TRIM5: variants seen among roughly 807,000 people sequenced by gnomAD.
The protein encoded by TRIM5 is tripartite motif-containing protein 5.
Under a neutral mutation model 35.6 loss-of-function variants are expected in TRIM5, and 31 were observed. That is an observed-to-expected ratio of 0.87 (90% CI 0.65 to 1.18). The LOEUF (loss-of-function observed/expected upper bound fraction) is 1.18, where lower values mean the gene tolerates loss of function less well. Ranked by LOEUF, TRIM5 falls within the 50% of genes most tolerant of loss-of-function variation. The probability of loss-of-function intolerance (pLI) is 0.00; values close to 1 mark genes in which losing one functional copy is unlikely to be tolerated. For synonymous variants in TRIM5, 243 were observed against 215.6 expected (o/e 1.13, Z -1.11); for missense variants, 609 against 591.6 (o/e 1.03, Z -0.31).
the TRIM5 span, chr11:5,596,820 G>GTGCCT: frequency 6.2e-7 from 1 of 1,611,166 alleles, no homozygotes. Context: ...TTAGTTTAAG[G>GTGCCT]TGCCTTGGAT....
At chr11:5,645,392 CAA>C in the TRIM5 span, among the ~76,000 whole-genome samples, 6 of 95,764 alleles carry the variant, frequency 6.3e-5, no homozygotes, top group Admixed American at 3.5e-4. Context: ...AACTCTGTCT[CAA>C]AAAAAAAAAA....
At chr11:5,633,133 C>T in the TRIM5 span, among the ~76,000 whole-genome samples, 4 of 140,508 alleles carry the variant, frequency 2.8e-5, no homozygotes, top group Non-Finnish European at 4.6e-5. Context: ...CCACCATGCC[C>T]GGCCTTTTCT....
At chr11:5,614,558 A>C in the TRIM5 span, among the ~76,000 whole-genome samples, 1 of 152,104 alleles carries the variant, frequency 6.6e-6, no homozygotes, top group African/African-American at 2.4e-5. Context: ...ACTGCCTGGA[A>C]CCCTAAGTAA....
the TRIM5 span, chr11:5,603,344 A>C: frequency 1.2e-6 from 2 of 1,613,876 alleles, no homozygotes; most frequent in East Asian, 2.2e-5. Context: ...GACATACGAG[A>C]AGAGGTGACC....
rs1447385392 is a variant in TRIM5 at position 5,677,932 on chromosome 11, A to ATTC, written c.744+271_744+272insGAA. On this transcript the variant is annotated intron_variant, in intron 4 of 7. Coordinates refer to ENST00000380034, the MANE Select transcript of TRIM5 (RefSeq NM_033034.3). The stretch of plus-strand genomic sequence containing the variant: ...CTGCACTGGTAAGTCTCAACACTAG[A>ATTC]ATACAGAGAATAGGAACCTATCAAA... 7.9e-4 allele frequency: 227 copies of ATTC among 286,618 alleles called. 1 individual carries two copies. Among genetic ancestry groups the ATTC allele is most frequent in the Non-Finnish European group, 9.1e-4 (142 of 155,692 alleles). The allele number at this position is 286,618 out of a possible 1,614,324, so 17.8% of individuals were successfully genotyped here.
the TRIM5 span, chr11:5,603,289 G>A: frequency 6.2e-7 from 1 of 1,614,066 alleles, no homozygotes; most frequent in Non-Finnish European, 8.5e-7. Context: ...GGTTGGGCAG[G>A]CAGGAGCCAG....
chr11:5,666,986 TATAA>T (rs1392083723), intron 5 of TRIM5, among the ~76,000 whole-genome samples: 1 of 152,044 alleles, frequency 6.6e-6, no homozygotes, highest in Admixed American at 6.6e-5. Flanking sequence ...ATTAGGGGTA[TATAA>T]GAGAAAAAGA....
chr11:5,614,525 A>G, the TRIM5 span, among the ~76,000 whole-genome samples: 1 of 152,256 alleles, frequency 6.6e-6, no homozygotes, highest in Non-Finnish European at 1.5e-5. Context: ...TTCAAGGAAA[A>G]GAAAACTCAG....
Position 5,678,330 on chromosome 11 carries a change from C to T in TRIM5, c.618G>A (p.Glu206=). The T allele has an allele frequency of 6.2e-7, 1 of 1,614,018 alleles. No homozygotes were observed. The highest frequency in any genetic ancestry group is 1.7e-4 in the Middle Eastern group (1 of 6,060). Residue 206 remains glutamate (E), a synonymous_variant, in exon 4 of 8, where the codon GAG becomes GAA. Coordinates refer to ENST00000380034, the MANE Select transcript of TRIM5 (RefSeq NM_033034.3). ...ESNELQNLEK[E]EEDILKSLTN... ...TAAGGCTTTTCAGAATGTCTTCCTC[C>T]TCCTTCTCCAGGTTTTGCAGCTCAT...
the TRIM5 span, among the ~76,000 whole-genome samples, chr11:5,648,536 A>G: frequency 1.3e-5 from 2 of 152,072 alleles, no homozygotes; most frequent in African/African-American, 4.8e-5. Context: ...AAATAAAATA[A>G]ATAACAGCTT....
At chr11:5,641,122 C>G in the TRIM5 span, 2 of 1,599,778 alleles carry the variant, frequency 1.3e-6, no homozygotes, top group South Asian at 1.1e-5. Context: ...TAGTCTTACA[C>G]CAGTCTTTAT....
chr11:5,594,398 T>C, the TRIM5 span, among the ~76,000 whole-genome samples: 1 of 152,110 alleles, frequency 6.6e-6, no homozygotes, highest in Non-Finnish European at 1.5e-5. Context: ...GCCTCAACCT[T>C]CCGGGCTCAA....
intron 4 of TRIM5, 79 bp from the exon 5 acceptor site, chr11:5,667,790 G>T: frequency 6.6e-7 from 1 of 1,504,064 alleles, no homozygotes; most frequent in Non-Finnish European, 9.1e-7. Context: ...ATTTCCCCCG[G>T]TTCCTAATGT....
chr11:5,607,198 C>G, the TRIM5 span, among the ~76,000 whole-genome samples: 2 of 150,722 alleles, frequency 1.3e-5, no homozygotes, highest in Non-Finnish European at 2.9e-5. Flanking sequence ...AGCAAGACTC[C>G]ATCTCAAAAA....
rs57512079 is a variant in TRIM5 at position 5,667,450 on chromosome 11, C to A, written c.767+239G>T. Among the ~76,000 whole-genome samples the A allele has an allele frequency of 8.3e-4, 127 of 152,262 alleles. No homozygotes were observed. In the Middle Eastern group the frequency reaches 0.01, roughly 12 times the overall value. ...TCTCAAACTCCTGATCTTCCTGACTCGGCGTCCCAAAGTGCTGGGATTATA... is the reference window on the plus strand; with the variant it reads ...TCTCAAACTCCTGATCTTCCTGACTAGGCGTCCCAAAGTGCTGGGATTATA... On this transcript the variant is annotated intron_variant, in intron 5 of 7. Coordinates refer to ENST00000380034, the MANE Select transcript of TRIM5 (RefSeq NM_033034.3).
chr11:5,603,729 G>GTGGT, the TRIM5 span: 25 of 1,613,358 alleles, frequency 1.5e-5, no homozygotes, highest in Non-Finnish European at 2.1e-5. Flanking sequence ...TTGCCCAGGA[G>GTGGT]TACCAGGTGA....
chr11:5,654,263 T>C, the TRIM5 span, among the ~76,000 whole-genome samples: 1 of 152,192 alleles, frequency 6.6e-6, no homozygotes, highest in Non-Finnish European at 1.5e-5. Flanking sequence ...TATCTACACA[T>C]CTGGTTAATA....
chr11:5,605,616 CTA>C, the TRIM5 span: 4 of 1,551,210 alleles, frequency 2.6e-6, no homozygotes, highest in South Asian at 4.9e-5. Context: ...AAAAGAGAAA[CTA>C]ACTTTCCTTC....
the TRIM5 span, among the ~76,000 whole-genome samples, chr11:5,652,259 T>C: frequency 2.6e-5 from 4 of 152,342 alleles, no homozygotes; most frequent in South Asian, 6.2e-4. Context: ...TCCAGAATGG[T>C]ATTACCTAGG....
Sources: allele counts gnomAD v4.1 joint callset (sites outside exome capture counted in the v4.1 genomes callset), GRCh38; gene constraint gnomAD v4.1.1; transcripts MANE v1.5; gene names NCBI Gene and HGNC (gene_info 2026-07-23, HGNC 2026-07-21).